EXOC6B: variants seen among roughly 807,000 people sequenced by gnomAD.
EXOC6B encodes exocyst complex component 6B.
In EXOC6B, 54 loss-of-function variants were observed where a neutral mutation model predicts 113.5. The observed-to-expected ratio is 0.48, with a 90% CI of 0.38 to 0.60. EXOC6B has a LOEUF of 0.60. Ranked by LOEUF, EXOC6B falls within the 20% of genes least tolerant of loss-of-function variation. The pLI is 0.00. For synonymous variants in EXOC6B, 357 were observed against 339.0 expected (o/e 1.05, Z -0.58); for missense variants, 797 against 977.5 (o/e 0.82, Z 2.46).
chr2:72,215,780 AGGAGACCAGAAAAGGCCTCCTTCT>A, intron 20 of EXOC6B, among the ~76,000 whole-genome samples: 1 of 152,242 alleles, frequency 6.6e-6, no homozygotes, highest in South Asian at 2.1e-4. Flanking sequence ...GAAACAGGGG[AGGAGACCAGAAAAGGCCTCCTTCT>A]GGAGGCCTTG....
chr2:72,422,967 G>A (rs1694990237), intron 18 of EXOC6B, among the ~76,000 whole-genome samples: 1 of 152,170 alleles, frequency 6.6e-6, no homozygotes, highest in East Asian at 1.9e-4. Flanking sequence ...GGCTGCCCGA[G>A]CCAGCATTGG....
chr2:72,507,027 T>G (rs181321283), intron 11 of EXOC6B, among the ~76,000 whole-genome samples: 1 of 152,262 alleles, frequency 6.6e-6, no homozygotes, highest in East Asian at 1.9e-4. Flanking sequence ...TCTTATGTTT[T>G]GAAATCAGCA....
At chr2:72,274,682 G>A (rs1860854) in intron 20 of EXOC6B, among the ~76,000 whole-genome samples, 4 of 152,072 alleles carry the variant, frequency 2.6e-5, no homozygotes, top group South Asian at 2.1e-4. Flanking sequence ...AAGCAGAGAC[G>A]TGAACAATTA....
At chr2:72,226,589 T>C (rs1175245496) in intron 20 of EXOC6B, among the ~76,000 whole-genome samples, 1 of 152,202 alleles carries the variant, frequency 6.6e-6, no homozygotes, top group East Asian at 1.9e-4. Flanking sequence ...TCTTAATGTG[T>C]AAGTTGTTTC....
intron 6 of EXOC6B, among the ~76,000 whole-genome samples, chr2:72,622,184 T>C (rs1186894235): frequency 6.6e-6 from 1 of 151,020 alleles, no homozygotes; most frequent in Non-Finnish European, 1.5e-5. Flanking sequence ...ATGAAGTTTA[T>C]ATAAGTTTAT....
intron 18 of EXOC6B, among the ~76,000 whole-genome samples, chr2:72,442,326 C>G (rs1351610560): frequency 6.6e-6 from 1 of 152,118 alleles, no homozygotes; most frequent in Non-Finnish European, 1.5e-5. Flanking sequence ...AACACATTCC[C>G]CCCCGCAAAA....
intron 17 of EXOC6B, among the ~76,000 whole-genome samples, chr2:72,473,143 T>C (rs1168399240): frequency 6.6e-6 from 1 of 152,152 alleles, no homozygotes; most frequent in Non-Finnish European, 1.5e-5. Context: ...GAGAAGAATG[T>C]GTATTCTGTT....
chr2:72,218,479 A>G (rs1680671271), intron 20 of EXOC6B, among the ~76,000 whole-genome samples: 1 of 152,136 alleles, frequency 6.6e-6, no homozygotes, highest in South Asian at 2.1e-4. Flanking sequence ...ACAATTACTA[A>G]TCACTTTAAT....
At chr2:72,272,568 C>T (rs532010450) in intron 20 of EXOC6B, among the ~76,000 whole-genome samples, 21 of 152,242 alleles carry the variant, frequency 1.4e-4, no homozygotes, top group African/African-American at 4.8e-4. Flanking sequence ...GCCGTGTTTT[C>T]GTCTCCTATA....
chr2:72,484,416 A>T (rs963720361), intron 16 of EXOC6B, among the ~76,000 whole-genome samples: 12 of 151,008 alleles, frequency 7.9e-5, no homozygotes, highest in Non-Finnish European at 1.8e-4. Flanking sequence ...AAAAAAAAAA[A>T]TTCAGCTGGG....
At chr2:72,784,917 T>C (rs1337212510) in intron 1 of EXOC6B, among the ~76,000 whole-genome samples, 1 of 152,206 alleles carries the variant, frequency 6.6e-6, no homozygotes, top group African/African-American at 2.4e-5. Flanking sequence ...AAGTCTCATC[T>C]GAGACAAGGC....
chr2:72,423,117 C>T (rs1015729549), intron 18 of EXOC6B, among the ~76,000 whole-genome samples: 1 of 152,180 alleles, frequency 6.6e-6, no homozygotes, highest in Non-Finnish European at 1.5e-5. Flanking sequence ...CAGCTTCACT[C>T]CTGAGCCCAG....
At chr2:72,241,507 G>A (rs1682309846) in intron 20 of EXOC6B, among the ~76,000 whole-genome samples, 1 of 152,100 alleles carries the variant, frequency 6.6e-6, no homozygotes, top group Non-Finnish European at 1.5e-5. Context: ...GAATCTTGGA[G>A]AACATGAAGC....
At chr2:72,681,233 T>C (rs960250561) in intron 6 of EXOC6B, among the ~76,000 whole-genome samples, 8 of 152,126 alleles carry the variant, frequency 5.3e-5, no homozygotes, top group Admixed American at 1.3e-4. Context: ...AGCCCTAAAA[T>C]AGAATATTCT....
chr2:72,282,960 A>G (rs1277456400), intron 20 of EXOC6B, among the ~76,000 whole-genome samples: 8 of 152,174 alleles, frequency 5.3e-5, no homozygotes, highest in African/African-American at 1.9e-4. Context: ...TCATAATTTG[A>G]GAGTTGCACA....
intron 8 of EXOC6B, among the ~76,000 whole-genome samples, chr2:72,542,187 T>C (rs774617587): frequency 1.3e-5 from 2 of 152,232 alleles, no homozygotes; most frequent in Non-Finnish European, 2.9e-5. Flanking sequence ...CTGCATTCAT[T>C]CATTCATTTC....
chr2:72,560,316 G>A (rs1252811898), intron 7 of EXOC6B, among the ~76,000 whole-genome samples: 1 of 151,014 alleles, frequency 6.6e-6, no homozygotes, highest in East Asian at 1.9e-4. Context: ...ATAATAAAAG[G>A]AAATATTGAA....
intron 6 of EXOC6B, among the ~76,000 whole-genome samples, chr2:72,713,978 T>A (rs977151936): frequency 5.9e-5 from 9 of 152,158 alleles, no homozygotes; most frequent in African/African-American, 2.2e-4. Flanking sequence ...AAGTGAGATG[T>A]GCCACTTATA....
At chr2:72,473,599 G>A (rs1274816573) in intron 17 of EXOC6B, among the ~76,000 whole-genome samples, 1 of 151,772 alleles carries the variant, frequency 6.6e-6, no homozygotes, top group Non-Finnish European at 1.5e-5. Flanking sequence ...GGCAGCATAT[G>A]GCTAGATCAT....
Sources: gnomAD v4.1 joint callset for allele counts (sites outside exome capture counted in the v4.1 genomes callset) on GRCh38, gnomAD v4.1.1 for gene constraint, MANE v1.5 for transcripts, NCBI Gene and HGNC (gene_info 2026-07-23, HGNC 2026-07-21) for gene names.